The following PSG2 variants were observed in gnomAD, a reference collection of about 807,000 sequenced individuals.
PSG2 encodes the protein pregnancy specific beta-1-glycoprotein 2, also known as pregnancy-specific beta-1-glycoprotein 2.
Under a neutral mutation model 36.2 loss-of-function variants are expected in PSG2, and 49 were observed. The observed-to-expected ratio is 1.35, with a 90% CI of 1.08 to 1.72. The LOEUF is 1.72. Among genes scored for constraint, PSG2 ranks in the 40% most tolerant of loss-of-function variants. The pLI, the probability that PSG2 is intolerant of heterozygous loss-of-function variation, is 0.00. For missense variants in PSG2, 605 were observed against 407.2 expected, an observed-to-expected ratio of 1.49 and a Z score of -4.18; for synonymous variants, 261 against 155.6, an observed-to-expected ratio of 1.68 and a Z score of -5.04.
intron 3 of PSG2, chr19:43,072,658 C>T: frequency 1.2e-6 from 2 of 1,606,166 alleles, no homozygotes. Flanking sequence ...GAAGATTGTC[C>T]TGTGTGGCAC....
rs1336935300 is a variant in PSG2 at position 43,082,564 on chromosome 19, C to T, written c.6G>A (p.Gly2=). The T allele has an allele frequency of 1.4e-5, 23 of 1,611,834 alleles. No homozygotes were observed. Among genetic ancestry groups the T allele is most frequent in the South Asian group, 4.4e-5 (4 of 91,020 alleles). M[G]PLSAPPCTEH... ...CTGTGCAGGGAGGGGCTGAGAGGGG[C>T]CCCATGGTCTCTGCTGCCTGTGTGT... Residue 2 remains glycine (G), a synonymous_variant, in exon 1 of 6, where the codon GGG becomes GGA. Coordinates refer to ENST00000406487, the MANE Select transcript of PSG2 (RefSeq NM_031246.4).
At chr19:43,080,566 C>T (rs1967957228) in intron 2 of PSG2, among the ~76,000 whole-genome samples, 1 of 151,646 alleles carries the variant, frequency 6.6e-6, no homozygotes, top group Non-Finnish European at 1.5e-5. Flanking sequence ...CTCAGTTCTC[C>T]AGGGTCTTTC....
intron 3 of PSG2, among the ~76,000 whole-genome samples, chr19:43,073,779 G>A (rs986909059): frequency 1.3e-4 from 20 of 151,612 alleles, no homozygotes; most frequent in African/African-American, 1.7e-4. Flanking sequence ...AGTTCACACA[G>A]ATTGAGTATT....
rs1053313156 is a variant in PSG2, at chr19:43,076,072, A to G, written c.431-440T>C. ...CCTTGCCAAGGACATCCAAGAGATGAATGATGGAACTTCCCATTGTCTTTA... is the reference window on the plus strand; with the variant it reads ...CCTTGCCAAGGACATCCAAGAGATGGATGATGGAACTTCCCATTGTCTTTA... On this transcript the variant is annotated intron_variant, in intron 2 of 5. Coordinates refer to ENST00000406487, the MANE Select transcript of PSG2 (RefSeq NM_031246.4). Among the ~76,000 whole-genome samples, 13 of 151,684 alleles carry G rather than the reference A, an allele frequency of 8.6e-5. 1 individual carries two copies. The highest frequency in any genetic ancestry group is 1.3e-4 in the Non-Finnish European group (9 of 67,966).
intron 2 of PSG2, among the ~76,000 whole-genome samples, chr19:43,075,898 A>G (rs543246940): frequency 6.6e-6 from 1 of 151,658 alleles, no homozygotes; most frequent in East Asian, 1.9e-4. Context: ...CAGGACCAGC[A>G]GTCACAGCCC....
intron 3 of PSG2, among the ~76,000 whole-genome samples, chr19:43,073,883 C>G (rs1967854198): frequency 6.6e-6 from 1 of 151,692 alleles, no homozygotes; most frequent in African/African-American, 2.4e-5. Flanking sequence ...TTTAGCATCC[C>G]AAATCTGAAA....
At chr19:43,066,952 T>G (rs957666917) in intron 4 of PSG2, among the ~76,000 whole-genome samples, 1 of 151,468 alleles carries the variant, frequency 6.6e-6, no homozygotes, top group African/African-American at 2.4e-5. Context: ...GTGGCAGTCA[T>G]GAATGAGACT....
At chr19:43,082,383 A>G (rs573758218) in intron 1 of PSG2, 123 bp downstream of exon 1, 1 of 1,453,700 alleles carries the variant, frequency 6.9e-7, no homozygotes, top group South Asian at 1.1e-5. Context: ...CTCGTGATCC[A>G]CCCACCTCAG....
chr19:43,070,258 G>A (rs563211406), intron 4 of PSG2, among the ~76,000 whole-genome samples: 1 of 151,842 alleles, frequency 6.6e-6, no homozygotes, highest in East Asian at 1.9e-4. Flanking sequence ...ATGGGAATGG[G>A]AAATGTTATA....
rs572056403 is a variant in PSG2 at position 43,074,636 on chromosome 19, C to G, written c.709+718G>C. Among the ~76,000 whole-genome samples, 22 of 151,794 alleles carry G rather than the reference C, an allele frequency of 1.4e-4. 1 individual carries two copies. In the South Asian group the frequency reaches 3.3e-3, roughly 23 times the overall value. On this transcript the variant is annotated intron_variant, in intron 3 of 5. Coordinates refer to ENST00000406487, the MANE Select transcript of PSG2 (RefSeq NM_031246.4). The stretch of plus-strand genomic sequence containing the variant: ...CTCCCTTTGCAGAGGGCAGGTGGCT[C>G]TTCCCTGATAGCTAGATAGACTTCA...
intron 2 of PSG2, among the ~76,000 whole-genome samples, chr19:43,077,326 G>A (rs1019823924): frequency 1.3e-5 from 2 of 151,708 alleles, no homozygotes; most frequent in Non-Finnish European, 2.9e-5. Flanking sequence ...ATTACATAAA[G>A]GGAGGAAGGA....
rs745783151 is a variant in PSG2, at chr19:43,081,104, T to G, written c.207A>C (p.Lys69Asn). 3 of 1,612,876 alleles carry G rather than the reference T, an allele frequency of 1.9e-6. No individual in the cohort carries two copies. In the Admixed American group the frequency reaches 5.0e-5, roughly 27 times the overall value. ...AATGGTAGAGGTCCCTGATTTGCCCTTTGTACCAGATGTAGCCAGTAAGAT... is the reference window on the plus strand; with the variant it reads ...AATGGTAGAGGTCCCTGATTTGCCCGTTGTACCAGATGTAGCCAGTAAGAT... ...PQNLTGYIWYKGQIRDLYHYI... is the reference protein window; with the variant it reads ...PQNLTGYIWYNGQIRDLYHYI... Residue 69 changes from lysine (K) to asparagine (N), a missense_variant, in exon 2 of 6, where the codon AAA becomes AAC. Transcript: ENST00000406487.
chr19:43,081,416 TTGTA>T (rs1967973931), intron 1 of PSG2, among the ~76,000 whole-genome samples, 170 bp from the exon 2 acceptor site: 1 of 143,148 alleles, frequency 7.0e-6, no homozygotes, highest in Non-Finnish European at 1.5e-5. Flanking sequence ...GCATGTGTGT[TTGTA>T]TGTGTGTATG....
intron 2 of PSG2, among the ~76,000 whole-genome samples, chr19:43,078,631 A>T (rs999186279): frequency 6.6e-6 from 1 of 151,136 alleles, no homozygotes; most frequent in South Asian, 2.1e-4. Flanking sequence ...AGCAGTACTC[A>T]TTTTTCAGTC....
chr19:43,073,987 C>T (rs1411710491), intron 3 of PSG2, among the ~76,000 whole-genome samples: 1 of 151,500 alleles, frequency 6.6e-6, no homozygotes, highest in East Asian at 1.9e-4. Context: ...TATTCTTGCC[C>T]TTTTTTTTCT....
intron 5 of PSG2, 48 bp from the exon 6 acceptor site, chr19:43,064,649 A>C (rs1967715395): frequency 1.7e-6 from 1 of 572,108 alleles, no homozygotes; most frequent in African/African-American, 1.9e-5. Flanking sequence ...AAGTAGTTTG[A>C]GGAAGAATCA....
At chr19:43,072,641 A>G in intron 3 of PSG2, 6 of 1,610,620 alleles carry the variant, frequency 3.7e-6, no homozygotes, top group Admixed American at 1.7e-5. Flanking sequence ...TGTGTGGATA[A>G]CAGAGAGAAG....
chr19:43,072,075 C>G (rs1396021372), intron 3 of PSG2, 121 bp from the exon 4 acceptor site: 3 of 1,443,898 alleles, frequency 2.1e-6, no homozygotes, highest in Non-Finnish European at 2.8e-6. Context: ...CAGCAAAACC[C>G]CCTCTATGTT....
chr19:43,072,106 T>G, intron 3 of PSG2, 152 bp from the exon 4 acceptor site: 1 of 1,373,840 alleles, frequency 7.3e-7, no homozygotes, highest in African/African-American at 1.5e-5. Context: ...AACCCTGAAG[T>G]ATTCACCTGT....
Sources: allele counts gnomAD v4.1 joint callset (sites outside exome capture counted in the v4.1 genomes callset), GRCh38; gene constraint gnomAD v4.1.1; transcripts MANE v1.5; gene names NCBI Gene and HGNC (gene_info 2026-07-23, HGNC 2026-07-21).